NSMCE2: variants seen among roughly 807,000 people sequenced by gnomAD.
The protein encoded by NSMCE2 is E3 SUMO-protein ligase NSE2.
Under a neutral mutation model 23.8 loss-of-function variants are expected in NSMCE2, and 24 were observed. The ratio of observed to expected loss-of-function variants is 1.01; its 90% confidence interval spans 0.73 to 1.42. NSMCE2 has a LOEUF of 1.42. Among genes scored for constraint, NSMCE2 ranks in the 40% most tolerant of loss-of-function variants. NSMCE2 has a pLI of 0.00. For synonymous variants in NSMCE2, 92 were observed against 94.1 expected (o/e 0.98, Z 0.13); for missense variants, 284 against 296.5 (o/e 0.96, Z 0.31).
chr8:125,157,905 G>T (rs1821409304), intron 4 of NSMCE2, among the ~76,000 whole-genome samples: 1 of 152,176 alleles, frequency 6.6e-6, no homozygotes, highest in Non-Finnish European at 1.5e-5. Flanking sequence ...AGGAAAATAG[G>T]ATTTTGTGGT....
At position 125,095,724 on chromosome 8, in the gene NSMCE2, G is replaced by A. The variant is rs1013456235; in HGVS notation, c.-111+3766G>A. On this transcript the variant is annotated intron_variant, in intron 1 of 7. Transcript: ENST00000287437. ...AGCCTGGCAAACATAGTGAAACCCC[G>A]TCTCTACTAAAAATACAAAAATTAG... Among the ~76,000 whole-genome samples, 11 of 151,910 alleles carry A rather than the reference G, an allele frequency of 7.2e-5. No individual in the cohort carries two copies. The East Asian group carries it at 1.6e-3, about 21-fold the overall frequency.
At chr8:125,296,100 G>A (rs987072128) in intron 5 of NSMCE2, among the ~76,000 whole-genome samples, 11 of 151,954 alleles carry the variant, frequency 7.2e-5, no homozygotes, top group Non-Finnish European at 1.3e-4. Context: ...TTTACTACAC[G>A]CTAGGCATTA....
At chr8:125,341,919 A>C (rs1030379360) in intron 5 of NSMCE2, among the ~76,000 whole-genome samples, 47 of 150,770 alleles carry the variant, frequency 3.1e-4, no homozygotes, top group African/African-American at 9.9e-4. Flanking sequence ...AAAAAAAAAA[A>C]AAACCTGTCT....
At chr8:125,150,084 TCC>T (rs1820912737) in intron 3 of NSMCE2, among the ~76,000 whole-genome samples, 1 of 152,054 alleles carries the variant, frequency 6.6e-6, no homozygotes, top group Non-Finnish European at 1.5e-5. Flanking sequence ...CTGCTGCAAA[TCC>T]AGGAGGACTG....
At chr8:125,296,029 C>G (rs117838314) in intron 5 of NSMCE2, among the ~76,000 whole-genome samples, 5,154 of 152,162 alleles carry the variant, frequency 0.034, 181 homozygotes, top group South Asian at 0.18. Flanking sequence ...AGCTTAGATT[C>G]TGATCTTTGC....
At chr8:125,309,838 A>G (rs1378164642) in intron 5 of NSMCE2, among the ~76,000 whole-genome samples, 2 of 152,234 alleles carry the variant, frequency 1.3e-5, no homozygotes, top group African/African-American at 4.8e-5. Context: ...ATTTCAGAGT[A>G]TTGAGCAAGG....
intron 4 of NSMCE2, among the ~76,000 whole-genome samples, chr8:125,167,418 G>A (rs1821946732): frequency 6.6e-6 from 1 of 152,112 alleles, no homozygotes; most frequent in South Asian, 2.1e-4. Flanking sequence ...TGTAATCCCA[G>A]GACTTTGGGA....
chr8:125,241,200 A>G (rs1825752522), intron 5 of NSMCE2, among the ~76,000 whole-genome samples: 1 of 152,210 alleles, frequency 6.6e-6, no homozygotes, highest in South Asian at 2.1e-4. Flanking sequence ...GTATTTTCAG[A>G]TTAAGGATAC....
intron 5 of NSMCE2, among the ~76,000 whole-genome samples, chr8:125,205,325 A>G (rs1355554211): frequency 6.6e-6 from 1 of 152,184 alleles, no homozygotes. Flanking sequence ...AGGAAGAGGG[A>G]TTTGAGGCAA....
chr8:125,226,175 A>G (rs1441346944), intron 5 of NSMCE2, among the ~76,000 whole-genome samples: 2 of 152,194 alleles, frequency 1.3e-5, no homozygotes, highest in South Asian at 2.1e-4. Context: ...AAGATGATGA[A>G]TTATGGAAAT....
intron 3 of NSMCE2, among the ~76,000 whole-genome samples, chr8:125,128,504 T>C (rs893122306): frequency 1.3e-5 from 2 of 152,228 alleles, no homozygotes; most frequent in Non-Finnish European, 2.9e-5. Flanking sequence ...TCTATGTTAA[T>C]GGAGGCCCCA....
intron 5 of NSMCE2, among the ~76,000 whole-genome samples, chr8:125,238,193 T>C (rs957952951): frequency 2.6e-5 from 4 of 152,102 alleles, no homozygotes; most frequent in African/African-American, 9.7e-5. Context: ...GAAGACACAA[T>C]GATTTCAACA....
At chr8:125,128,027 A>G (rs1267767496) in intron 3 of NSMCE2, among the ~76,000 whole-genome samples, 1 of 152,124 alleles carries the variant, frequency 6.6e-6, no homozygotes, top group Non-Finnish European at 1.5e-5. Flanking sequence ...GGATTTTTGA[A>G]TTGGGGATGC....
At chr8:125,195,573 G>A (rs1211257738) in intron 5 of NSMCE2, among the ~76,000 whole-genome samples, 1 of 152,048 alleles carries the variant, frequency 6.6e-6, no homozygotes, top group Non-Finnish European at 1.5e-5. Context: ...GCCTCATTTT[G>A]AAACTCGATG....
intron 5 of NSMCE2, among the ~76,000 whole-genome samples, chr8:125,318,802 TGA>T: frequency 6.6e-6 from 1 of 152,268 alleles, no homozygotes; most frequent in East Asian, 1.9e-4. Flanking sequence ...AGCTTACTAT[TGA>T]GAGAGTTTTC....
chr8:125,356,326 G>GTTTTT (rs747884264), intron 5 of NSMCE2, among the ~76,000 whole-genome samples: 8 of 105,456 alleles, frequency 7.6e-5, no homozygotes, highest in East Asian at 3.0e-4. Context: ...TAATTTTTTG[G>GTTTTT]TTTTTTTTTT....
chr8:125,265,532 C>G (rs1389637264), intron 5 of NSMCE2, among the ~76,000 whole-genome samples: 1 of 152,118 alleles, frequency 6.6e-6, no homozygotes, highest in Non-Finnish European at 1.5e-5. Context: ...TTTGCATTAA[C>G]TTTGGTTTTT....
intron 5 of NSMCE2, among the ~76,000 whole-genome samples, chr8:125,201,461 G>T (rs192918847): frequency 6.6e-6 from 1 of 152,190 alleles, no homozygotes; most frequent in Non-Finnish European, 1.5e-5. Context: ...GTTTGCTGGA[G>T]GTCCATTCCA....
intron 5 of NSMCE2, among the ~76,000 whole-genome samples, chr8:125,284,902 A>G (rs538574180): frequency 2.0e-5 from 3 of 152,238 alleles, no homozygotes; most frequent in Non-Finnish European, 4.4e-5. Flanking sequence ...TAATGTGCTA[A>G]TTGCCTCAGA....
Sources: allele counts gnomAD v4.1 joint callset (sites outside exome capture counted in the v4.1 genomes callset), GRCh38; gene constraint gnomAD v4.1.1; transcripts MANE v1.5; gene names NCBI Gene and HGNC (gene_info 2026-07-23, HGNC 2026-07-21).